HEATR4: variants seen among roughly 807,000 people sequenced by gnomAD.
HEATR4 encodes HEAT repeat-containing protein 4.
HEATR4 carries 95 observed loss-of-function variants against 108.8 expected under a neutral mutation model. The observed-to-expected ratio is 0.87, with a 90% CI of 0.74 to 1.04. The LOEUF (loss-of-function observed/expected upper bound fraction) is 1.04, where lower values mean the gene tolerates loss of function less well. Ranked by LOEUF, HEATR4 falls within the 50% of genes least tolerant of loss-of-function variation. HEATR4 has a pLI of 0.00. For missense variants in HEATR4, 1,152 were observed against 1,253.8 expected, an observed-to-expected ratio of 0.92 and a Z score of 1.23; for synonymous variants, 443 against 459.4, an observed-to-expected ratio of 0.96 and a Z score of 0.46.
At chr14:73,617,192 GGTGC>G in the HEATR4 span, 1 of 1,614,184 alleles carries the variant, frequency 6.2e-7, no homozygotes, top group Non-Finnish European at 8.5e-7. Flanking sequence ...AGCATCCAAA[GGTGC>G]GTTCTGGTGA....
At chr14:73,496,741 A>G in intron 14 of HEATR4, 62 bp from the exon 15 acceptor site, 2 of 894,078 alleles carry the variant, frequency 2.2e-6, no homozygotes, top group Non-Finnish European at 3.7e-6. Context: ...GTATGGGGGT[A>G]GAAAATATAG....
chr14:73,569,773 C>G, the HEATR4 span: 1 of 1,607,124 alleles, frequency 6.2e-7, no homozygotes, highest in African/African-American at 1.3e-5. Context: ...GACCCCGACC[C>G]CGGGCGGCTG....
At chr14:73,522,087 C>T (rs572512907) in intron 3 of HEATR4, among the ~76,000 whole-genome samples, 185 bp downstream of exon 3, 11 of 152,338 alleles carry the variant, frequency 7.2e-5, no homozygotes, top group Admixed American at 7.2e-4. Context: ...TTATCCAACC[C>T]AGAATGTCAG....
the HEATR4 span, among the ~76,000 whole-genome samples, chr14:73,601,785 C>T: frequency 1.3e-5 from 2 of 152,266 alleles, no homozygotes; most frequent in African/African-American, 4.8e-5. Flanking sequence ...AATTTAGGTG[C>T]ATAGCACTGA....
intron 16 of HEATR4, chr14:73,493,533 A>C (rs1019254359): frequency 5.2e-6 from 1 of 191,514 alleles, no homozygotes; most frequent in Non-Finnish European, 1.1e-5. Flanking sequence ...CATGTTAATC[A>C]ACCTCTTAAG....
the HEATR4 span, chr14:73,575,641 T>C: frequency 1.3e-6 from 2 of 1,515,790 alleles, no homozygotes; most frequent in Middle Eastern, 2.4e-4. Flanking sequence ...ATTATTAAAA[T>C]GAATTTACCA....
At chr14:73,491,551 G>A (rs1885743125) in intron 17 of HEATR4, 7 of 1,535,220 alleles carry the variant, frequency 4.6e-6, no homozygotes, top group African/African-American at 2.7e-5. Flanking sequence ...CGGGTGGGGA[G>A]CCGGCCTGGG....
chr14:73,592,099 G>C, the HEATR4 span: 2 of 1,500,954 alleles, frequency 1.3e-6, no homozygotes, highest in Non-Finnish European at 1.8e-6. Context: ...GCGCTCTTCC[G>C]GGCCCACGCG....
At chr14:73,578,543 T>G in the HEATR4 span, among the ~76,000 whole-genome samples, 1 of 152,088 alleles carries the variant, frequency 6.6e-6, no homozygotes, top group South Asian at 2.1e-4. Flanking sequence ...TAGTCTTTAT[T>G]AGTTATTTGA....
the HEATR4 span, among the ~76,000 whole-genome samples, chr14:73,612,303 A>G: frequency 6.6e-6 from 1 of 152,028 alleles, no homozygotes; most frequent in African/African-American, 2.4e-5. Flanking sequence ...CGGCCTCCCA[A>G]AGTTCTAGGA....
chr14:73,566,079 C>T, the HEATR4 span, among the ~76,000 whole-genome samples: 2 of 152,052 alleles, frequency 1.3e-5, no homozygotes, highest in African/African-American at 4.8e-5. Flanking sequence ...TTCTCCAAGT[C>T]CCCACCAGAG....
chr14:73,522,744 T>C lies in HEATR4; in HGVS notation c.409A>G (p.Lys137Glu), dbSNP rs1300611781. The C allele has an allele frequency of 6.2e-7, 1 of 1,614,208 alleles. No individual in the cohort carries two copies. The highest frequency in any genetic ancestry group is 8.5e-7 in the Non-Finnish European group (1 of 1,180,022). Residue 137 changes from lysine (K) to glutamate (E), a missense_variant, in exon 3 of 18, where the codon AAG becomes GAG. Lys to Glu is a moderately conservative substitution (Grantham distance 56, BLOSUM62 1). Coordinates refer to ENST00000553558, the MANE Select transcript of HEATR4 (RefSeq NM_001220484.1). ...TCGGGATTGGCAGAGCTTTCTGTCT[T>C]CACAGCCAGGGAGGTGTCTCCTGTT... ...PLTGDTSLAV[K>E]TESSANPEKK...
At chr14:73,564,721 GTTTTTTGTTTTTTTT>G in the HEATR4 span, among the ~76,000 whole-genome samples, 6 of 83,548 alleles carry the variant, frequency 7.2e-5, no homozygotes, top group Non-Finnish European at 1.3e-4. Flanking sequence ...TATCTTTTCT[GTTTTTTGTTTTTTTT>G]TTTTTTTTTT....
chr14:73,482,042 G>A (rs1289809443), intron 17 of HEATR4, among the ~76,000 whole-genome samples: 1 of 151,898 alleles, frequency 6.6e-6, no homozygotes, highest in Admixed American at 6.6e-5. Context: ...GAGGAAAAAA[G>A]AAAAATCAGT....
At chr14:73,574,899 C>T in the HEATR4 span, 4 of 1,612,954 alleles carry the variant, frequency 2.5e-6, no homozygotes, top group East Asian at 2.2e-5. Context: ...TCCTTTGTCC[C>T]TTTCTCAGGT....
the HEATR4 span, among the ~76,000 whole-genome samples, chr14:73,628,560 C>T: frequency 1.4e-3 from 207 of 152,266 alleles, 2 homozygotes; most frequent in African/African-American, 4.5e-3. Flanking sequence ...TTGAGACCAG[C>T]CTGACCAACA....
At chr14:73,603,220 T>C in the HEATR4 span, among the ~76,000 whole-genome samples, 3 of 152,216 alleles carry the variant, frequency 2.0e-5, no homozygotes, top group Non-Finnish European at 4.4e-5. Flanking sequence ...AGCAGGCAAG[T>C]TGAACTATTT....
intron 17 of HEATR4, among the ~76,000 whole-genome samples, chr14:73,487,993 C>T (rs1041515237): frequency 6.6e-6 from 1 of 152,112 alleles, no homozygotes; most frequent in African/African-American, 2.4e-5. Context: ...GACTCCAGTA[C>T]CTAGCTGAGG....
At chr14:73,517,771 G>GA (rs1225091032) in intron 5 of HEATR4, among the ~76,000 whole-genome samples, 1 of 150,196 alleles carries the variant, frequency 6.7e-6, no homozygotes, top group Non-Finnish European at 1.5e-5. Context: ...GGAAAGGAAG[G>GA]AAAAAAAGGA....
Sources: allele counts gnomAD v4.1 joint callset (sites outside exome capture counted in the v4.1 genomes callset), GRCh38; gene constraint gnomAD v4.1.1; transcripts MANE v1.5; gene names NCBI Gene and HGNC (gene_info 2026-07-23, HGNC 2026-07-21).